WDR41: variants seen among roughly 807,000 people sequenced by gnomAD.
WDR41 encodes WD repeat-containing protein 41.
A neutral mutation model predicts 69.3 loss-of-function variants in WDR41; 63 were observed. The ratio of observed to expected loss-of-function variants is 0.91; its 90% CI spans 0.74 to 1.12. The LOEUF is 1.12. Among genes scored for constraint, WDR41 ranks in the 50% most tolerant of loss-of-function variants. The pLI is 0.00. For missense variants in WDR41, 543 were observed against 534.5 expected (o/e 1.02, Z -0.16); for synonymous variants, 185 against 192.1 (o/e 0.96, Z 0.31).
intron 1 of WDR41, among the ~76,000 whole-genome samples, chr5:77,525,890 C>G (rs573057216): frequency 2.5e-3 from 376 of 152,238 alleles, no homozygotes; most frequent in African/African-American, 8.6e-3. Context: ...CAGCTTGAAG[C>G]CTGTAACCAA....
chr5:77,576,013 G>T (rs1225224173), intron 1 of WDR41, among the ~76,000 whole-genome samples: 5 of 152,156 alleles, frequency 3.3e-5, no homozygotes, highest in Non-Finnish European at 2.9e-5. Context: ...TGAACCTTCT[G>T]GATGGAGTCT....
chr5:77,433,695 TGTTA>T (rs1348166812), intron 12 of WDR41, among the ~76,000 whole-genome samples: 2 of 152,120 alleles, frequency 1.3e-5, no homozygotes, highest in African/African-American at 4.8e-5. Context: ...AATCCATAGG[TGTTA>T]AGTGTCAGCA....
intron 1 of WDR41, among the ~76,000 whole-genome samples, chr5:77,612,501 A>G (rs1363471258): frequency 6.6e-6 from 1 of 152,232 alleles, no homozygotes; most frequent in Admixed American, 6.5e-5. Flanking sequence ...ATGCAAATCA[A>G]TAAATGTAAT....
At chr5:77,528,824 G>T (rs1037728678) in intron 1 of WDR41, among the ~76,000 whole-genome samples, 5 of 151,434 alleles carry the variant, frequency 3.3e-5, no homozygotes, top group Admixed American at 6.6e-5. Flanking sequence ...GACAAAATTC[G>T]ATATCTCATC....
chr5:77,469,593 T>C (rs1279193305), intron 2 of WDR41, among the ~76,000 whole-genome samples: 1 of 152,204 alleles, frequency 6.6e-6, no homozygotes, highest in East Asian at 1.9e-4. Context: ...TTTGCGTGTG[T>C]GTGATGTTAA....
At chr5:77,613,363 C>G (rs199812326) in intron 1 of WDR41, among the ~76,000 whole-genome samples, 1 of 152,164 alleles carries the variant, frequency 6.6e-6, no homozygotes, top group Non-Finnish European at 1.5e-5. Context: ...AAGAACAAAG[C>G]TGGAGGCATC....
chr5:77,490,112 G>C (rs1348056800), intron 1 of WDR41, among the ~76,000 whole-genome samples: 1 of 85,872 alleles, frequency 1.2e-5, no homozygotes, highest in Non-Finnish European at 2.0e-5. Context: ...TTTTTTTTTC[G>C]CACCACACGC....
In WDR41 at chr5:77,441,294, C is replaced by CAA. The variant is rs1799153591; in HGVS notation, c.698-298_698-297insTT. On this transcript the variant is annotated intron_variant, in intron 8 of 12. Transcript: ENST00000296679. The stretch of plus-strand genomic sequence containing the variant: ...AAAAGTAAAAGAACCTTATCTTGTA[C>CAA]CATACACCAAAATAAGTTTCAAATA... Among the ~76,000 whole-genome samples, 9 of 152,098 alleles carry CAA rather than the reference C, an allele frequency of 5.9e-5. No homozygotes were observed. In the South Asian group the frequency reaches 1.9e-3, roughly 32 times the overall value.
At chr5:77,457,547 T>A (rs1272476560) in intron 5 of WDR41, among the ~76,000 whole-genome samples, 1 of 152,108 alleles carries the variant, frequency 6.6e-6, no homozygotes, top group Non-Finnish European at 1.5e-5. Flanking sequence ...TCTAGAATGA[T>A]CACTGGATTA....
At chr5:77,506,387 A>G (rs1034851411) in intron 1 of WDR41, among the ~76,000 whole-genome samples, 2 of 152,200 alleles carry the variant, frequency 1.3e-5, no homozygotes, top group Non-Finnish European at 2.9e-5. Context: ...TCAGGAAACA[A>G]CAAATGCTGG....
chr5:77,475,673 A>G (rs1322658287), intron 2 of WDR41, among the ~76,000 whole-genome samples: 4 of 152,224 alleles, frequency 2.6e-5, no homozygotes, highest in African/African-American at 7.2e-5. Context: ...CCATCTGTAC[A>G]TCACCATCAT....
chr5:77,461,007 A>T, intron 4 of WDR41, among the ~76,000 whole-genome samples: 1 of 152,056 alleles, frequency 6.6e-6, no homozygotes, highest in Non-Finnish European at 1.5e-5. Flanking sequence ...AAAGGAAATG[A>T]GTCCATACTA....
intron 1 of WDR41, among the ~76,000 whole-genome samples, chr5:77,575,922 G>C (rs1743822476): frequency 6.6e-6 from 1 of 152,138 alleles, no homozygotes; most frequent in East Asian, 1.9e-4. Context: ...TTGATCCCAA[G>C]AACCATAAAG....
Position 77,512,331 on chromosome 5 carries a change from T to TGAGAGAGAGAGAAAGAGAGAGA in WDR41, c.43-22760_43-22759insTCTCTCTCTTTCTCTCTCTCTC, listed in dbSNP as rs59306558. On this transcript the variant is annotated intron_variant, in intron 1 of 5. Coordinates refer to the WDR41 transcript ENST00000509971. ...ATGGTCTGTAATTACATGGGGTGAG[T>TGAGAGAGAGAGAAAGAGAGAGA]GAGAGAGAGAGAGAGAGAGAGTGAG... Among the ~76,000 whole-genome samples, 248 of 87,786 alleles carry TGAGAGAGAGAGAAAGAGAGAGA rather than the reference T, an allele frequency of 2.8e-3. 8 individuals carry two copies. Among genetic ancestry groups the TGAGAGAGAGAGAAAGAGAGAGA allele is most frequent in the South Asian group, 6.5e-3 (16 of 2,450 alleles). The allele number at this position is 87,786 out of a possible 152,430, so 57.6% of individuals were successfully genotyped here. A position where few individuals can be genotyped will look rare whatever the true frequency, so the allele number is the denominator to read the frequency against.
intron 12 of WDR41, 140 bp from the exon 13 acceptor site, chr5:77,433,427 G>C (rs1467418723): frequency 8.6e-6 from 5 of 580,512 alleles, no homozygotes; most frequent in Non-Finnish European, 1.4e-5. Flanking sequence ...TCATTTTTCA[G>C]TATTGGTAAG....
chr5:77,585,047 T>C (rs1744013085), intron 1 of WDR41, among the ~76,000 whole-genome samples: 1 of 151,620 alleles, frequency 6.6e-6, no homozygotes, highest in Non-Finnish European at 1.5e-5. Flanking sequence ...ACTCACACAG[T>C]GGGAGAAAAT....
chr5:77,536,128 G>A (rs2112216150), intron 1 of WDR41, among the ~76,000 whole-genome samples: 1 of 152,184 alleles, frequency 6.6e-6, no homozygotes, highest in South Asian at 2.1e-4. Context: ...CATTTATTAT[G>A]TGTACATCCA....
chr5:77,476,120 GA>G (rs966031475), intron 2 of WDR41, among the ~76,000 whole-genome samples: 5 of 109,102 alleles, frequency 4.6e-5, no homozygotes, highest in African/African-American at 2.1e-4. Context: ...GAAGTTTAGA[GA>G]AAAAAAGAAT....
chr5:77,493,625 G>C (rs983248648), upstream of WDR41, among the ~76,000 whole-genome samples: 2 of 152,168 alleles, frequency 1.3e-5, no homozygotes, highest in African/African-American at 4.8e-5. Context: ...CCTTCTGTGT[G>C]CTAGCCCCAA....
Sources: allele counts gnomAD v4.1 joint callset (sites outside exome capture counted in the v4.1 genomes callset), GRCh38; gene constraint gnomAD v4.1.1; transcripts MANE v1.5; gene names NCBI Gene and HGNC (gene_info 2026-07-23, HGNC 2026-07-21).